Variants in LAMA2 observed in about 807,000 individuals in gnomAD.
LAMA2 encodes the protein laminin subunit alpha 2, also known as laminin subunit alpha-2.
A neutral mutation model predicts 364.8 loss-of-function variants in LAMA2; 269 were observed. The ratio of observed to expected loss-of-function variants is 0.74; its 90% CI spans 0.67 to 0.82. The LOEUF is 0.82. Ranked by LOEUF, LAMA2 falls within the 40% of genes least tolerant of loss-of-function variation. The pLI, the probability that LAMA2 is intolerant of heterozygous loss-of-function variation, is 0.00. For synonymous variants in LAMA2, 1,379 were observed against 1,370.6 expected, an observed-to-expected ratio of 1.01 and a Z score of -0.14; for missense variants, 3,807 against 3,873.2, an observed-to-expected ratio of 0.98 and a Z score of 0.45.
intron 1 of LAMA2, among the ~76,000 whole-genome samples, chr6:128,968,984 G>A (rs17779977): frequency 0.021 from 3,124 of 152,296 alleles, 44 homozygotes; most frequent in Middle Eastern, 0.031. Flanking sequence ...TTGGAGGCAA[G>A]CAATGCTTCT....
chr6:128,976,513 G>T (rs1782539919), intron 1 of LAMA2, among the ~76,000 whole-genome samples: 1 of 152,292 alleles, frequency 6.6e-6, no homozygotes, highest in African/African-American at 2.4e-5. Flanking sequence ...CACAGGGAAA[G>T]ATATCAACAC....
At chr6:129,209,015 T>C (rs1782909396) in intron 12 of LAMA2, among the ~76,000 whole-genome samples, 2 of 152,074 alleles carry the variant, frequency 1.3e-5, no homozygotes, top group Admixed American at 6.5e-5. Flanking sequence ...AAGTCATTTA[T>C]AATGAAATGG....
rs575214111 is a variant in LAMA2, at chr6:129,391,637, G to A, written c.5218G>A (p.Ala1740Thr). 1.9e-6 allele frequency: 3 copies of A among 1,613,638 alleles called. No individual in the cohort carries two copies. Among genetic ancestry groups the A allele is most frequent in the African/African-American group, 1.3e-5 (1 of 75,036 alleles). The change falls in exon 36 of 65, where the codon GCT (alanine) becomes ACT (threonine). Residue 1740 changes from alanine (A) to threonine (T), a missense_variant. Coordinates refer to ENST00000421865, the MANE Select transcript of LAMA2 (RefSeq NM_000426.4). ...AAATCTAGAGACACAAAAGGAAATT[G>A]CTGAAGATGAGTTGGTGTGAGTAGA... ...RKNLETQKEI[A>T]EDELVAAEAL...
rs1179205026 is a variant in LAMA2, at chr6:129,353,146, G to A, written c.4524-18G>A. The A allele has an allele frequency of 7.5e-6, 12 of 1,604,424 alleles. No individual in the cohort carries two copies. The highest frequency in any genetic ancestry group is 1.7e-4 in the Middle Eastern group (1 of 5,974). ...ACTTGCTATTAACCTCTTTTGCTTT[G>A]TCACTGTTTCAATTCAGGTGTGCCC... is the stretch of plus-strand genomic sequence containing the variant. On this transcript the variant is annotated intron_variant, in intron 31 of 64. Transcript: ENST00000421865.
chr6:129,151,130 T>C (rs1778767080), intron 7 of LAMA2, among the ~76,000 whole-genome samples: 2 of 152,130 alleles, frequency 1.3e-5, no homozygotes, highest in Admixed American at 6.5e-5. Flanking sequence ...TTCTTGAAGG[T>C]TACAGACAGA....
chr6:129,338,548 T>G (rs1279136079), intron 29 of LAMA2, among the ~76,000 whole-genome samples: 1 of 152,116 alleles, frequency 6.6e-6, no homozygotes, highest in African/African-American at 2.4e-5. Flanking sequence ...ATATGACAAA[T>G]CATTTTGCCC....
Position 129,312,999 on chromosome 6 carries a change from C to T in LAMA2, c.3313C>T (p.Leu1105Phe). ...RGHWNYPRCN[L>F]CDCFLPGTDA... is the part of the protein sequence containing the mutation. Reference sequence around the variant, plus strand: ...TCACTGGAACTACCCTCGCTGCAATCTCTGTGACTGCTTCCTCCCTGGGAC... The same window carrying T: ...TCACTGGAACTACCCTCGCTGCAATTTCTGTGACTGCTTCCTCCCTGGGAC... Residue 1105 changes from leucine to phenylalanine, a missense_variant, in exon 23 of 65, where the codon CTC (leucine) becomes TTC (phenylalanine). By Grantham distance (22) the Leu-to-Phe change is conservative (BLOSUM62 0). Coordinates refer to ENST00000421865, the MANE Select transcript of LAMA2 (RefSeq NM_000426.4). The T allele has an allele frequency of 6.2e-7, 1 of 1,614,214 alleles. No homozygotes were observed. Among genetic ancestry groups the T allele is most frequent in the Non-Finnish European group, 8.5e-7 (1 of 1,180,026 alleles).
chr6:129,075,209 G>C (rs1773556977), intron 3 of LAMA2, among the ~76,000 whole-genome samples: 1 of 152,232 alleles, frequency 6.6e-6, no homozygotes, highest in South Asian at 2.1e-4. Flanking sequence ...ACCAGTCATA[G>C]AAAAATCTGG....
intron 4 of LAMA2, among the ~76,000 whole-genome samples, chr6:129,129,391 G>A (rs1010969822): frequency 2.0e-5 from 3 of 152,132 alleles, no homozygotes; most frequent in Non-Finnish European, 2.9e-5. Flanking sequence ...TTACTTGAAG[G>A]AAAAGCAGCA....
chr6:129,177,080 T>A (rs1168655086), intron 9 of LAMA2, among the ~76,000 whole-genome samples: 1 of 152,332 alleles, frequency 6.6e-6, no homozygotes, highest in Non-Finnish European at 1.5e-5. Flanking sequence ...TTCTATTTTT[T>A]AATCAAAGAC....
intron 9 of LAMA2, among the ~76,000 whole-genome samples, chr6:129,172,770 C>T (rs541180011): frequency 6.6e-6 from 1 of 152,356 alleles, no homozygotes; most frequent in African/African-American, 2.4e-5. Flanking sequence ...CCTCCCCCAG[C>T]CTCGCTGCTG....
At chr6:129,077,501 A>T (rs1773737643) in intron 3 of LAMA2, among the ~76,000 whole-genome samples, 1 of 152,144 alleles carries the variant, frequency 6.6e-6, no homozygotes, top group Non-Finnish European at 1.5e-5. Flanking sequence ...ATTCTGATAC[A>T]ATTAACAGAT....
At chr6:129,005,192 A>G (rs1210804151) in intron 1 of LAMA2, among the ~76,000 whole-genome samples, 2 of 152,068 alleles carry the variant, frequency 1.3e-5, no homozygotes, top group East Asian at 1.9e-4. Flanking sequence ...GTCAGTTTTT[A>G]TGTAAGCCCA....
intron 4 of LAMA2, among the ~76,000 whole-genome samples, chr6:129,119,703 A>T (rs550525871): frequency 5.9e-5 from 9 of 152,066 alleles, no homozygotes; most frequent in African/African-American, 2.2e-4. Flanking sequence ...GCCCGCCACC[A>T]CGCCTGGCTA....
At chr6:129,420,788 G>T (rs1358454746) in intron 40 of LAMA2, among the ~76,000 whole-genome samples, 2 of 152,070 alleles carry the variant, frequency 1.3e-5, no homozygotes, top group African/African-American at 4.8e-5. Context: ...TGGGGTACAG[G>T]TTAGTCAGCC....
At chr6:129,464,049 A>T (rs77804311) in intron 49 of LAMA2, among the ~76,000 whole-genome samples, 22 of 152,122 alleles carry the variant, frequency 1.4e-4, no homozygotes, top group African/African-American at 5.3e-4. Context: ...TTTACAAAAC[A>T]TAAAGCACTT....
At chr6:129,164,724 G>A (rs1779634697) in intron 8 of LAMA2, among the ~76,000 whole-genome samples, 1 of 152,134 alleles carries the variant, frequency 6.6e-6, no homozygotes, top group Non-Finnish European at 1.5e-5. Flanking sequence ...GTTTCCAGCG[G>A]TTGCTTTCCA....
At chr6:129,514,734 A>T (rs1786899285) in intron 64 of LAMA2, 139 bp downstream of exon 64, 2 of 752,630 alleles carry the variant, frequency 2.7e-6, no homozygotes, top group Admixed American at 2.1e-5. Flanking sequence ...TAGAATCTGC[A>T]CCTTACCTAA....
At chr6:129,099,050 G>A (rs1296177626) in intron 4 of LAMA2, among the ~76,000 whole-genome samples, 1 of 151,278 alleles carries the variant, frequency 6.6e-6, no homozygotes, top group Non-Finnish European at 1.5e-5. Flanking sequence ...TTGATTTTAA[G>A]CCACATATTC....
Sources: gnomAD v4.1 joint callset for allele counts (sites outside exome capture counted in the v4.1 genomes callset) on GRCh38, gnomAD v4.1.1 for gene constraint, MANE v1.5 for transcripts, NCBI Gene and HGNC (gene_info 2026-07-23, HGNC 2026-07-21) for gene names.